FSTL5: variants seen among roughly 807,000 people sequenced by gnomAD.
FSTL5 encodes the protein follistatin like 5.
Under a neutral mutation model 89.1 loss-of-function variants are expected in FSTL5, and 62 were observed. That is an observed-to-expected ratio of 0.70 (90% confidence interval 0.57 to 0.86). The LOEUF (loss-of-function observed/expected upper bound fraction) is 0.86, where lower values mean the gene tolerates loss of function less well. FSTL5 is among the 40% of genes least tolerant of loss of function. FSTL5 has a pLI of 0.00. For missense variants in FSTL5, 1,057 were observed against 1,001.6 expected, an observed-to-expected ratio of 1.06 and a Z score of -0.75; for synonymous variants, 383 against 346.2, an observed-to-expected ratio of 1.11 and a Z score of -1.18.
chr4:161,763,816 G>C (rs963212901), intron 5 of FSTL5, among the ~76,000 whole-genome samples: 1 of 152,054 alleles, frequency 6.6e-6, no homozygotes, highest in Non-Finnish European at 1.5e-5. Flanking sequence ...AAAGACTAAA[G>C]GTAAGAAAAT....
At chr4:161,905,271 T>C (rs1733489346) in intron 4 of FSTL5, among the ~76,000 whole-genome samples, 1 of 152,164 alleles carries the variant, frequency 6.6e-6, no homozygotes, top group African/African-American at 2.4e-5. Flanking sequence ...TGTTGGACAG[T>C]ATTGTCTTTG....
At chr4:161,532,836 A>C (rs1313816264) in intron 10 of FSTL5, among the ~76,000 whole-genome samples, 1 of 152,120 alleles carries the variant, frequency 6.6e-6, no homozygotes, top group Admixed American at 6.6e-5. Flanking sequence ...CCATAACACA[A>C]GTCTTAATAA....
chr4:161,988,156 A>G (rs1425864870), intron 3 of FSTL5, among the ~76,000 whole-genome samples: 1 of 151,864 alleles, frequency 6.6e-6, no homozygotes, highest in African/African-American at 2.4e-5. Flanking sequence ...CAAAATTGGC[A>G]AGGTAAATGG....
chr4:161,776,536 T>G (rs1741418888), intron 4 of FSTL5, among the ~76,000 whole-genome samples: 2 of 100,992 alleles, frequency 2.0e-5, no homozygotes. Context: ...TGTACGTATA[T>G]GCATACATAT....
chr4:161,639,431 A>T (rs921348295), intron 7 of FSTL5, among the ~76,000 whole-genome samples: 1 of 152,208 alleles, frequency 6.6e-6, no homozygotes, highest in Admixed American at 6.5e-5. Context: ...ATTTAATTAC[A>T]TTATCATCTA....
chr4:161,434,869 G>A (rs1020706708), intron 15 of FSTL5, among the ~76,000 whole-genome samples: 1 of 152,088 alleles, frequency 6.6e-6, no homozygotes, highest in Non-Finnish European at 1.5e-5. Flanking sequence ...ACACTGCAGT[G>A]AGATATAATC....
intron 15 of FSTL5, among the ~76,000 whole-genome samples, chr4:161,409,322 A>T (rs7668007): frequency 0.032 from 4,932 of 152,202 alleles, 271 homozygotes; most frequent in African/African-American, 0.11. Context: ...AAGCATCTTA[A>T]ATTAAGGAGA....
chr4:161,732,581 CA>C (rs952110678), intron 6 of FSTL5, among the ~76,000 whole-genome samples: 68 of 152,054 alleles, frequency 4.5e-4, no homozygotes, highest in African/African-American at 1.6e-3. Context: ...ACAAGGCATG[CA>C]AAATTGTATT....
chr4:161,556,954 C>A (rs1406561329), intron 8 of FSTL5, among the ~76,000 whole-genome samples: 1 of 150,590 alleles, frequency 6.6e-6, no homozygotes, highest in African/African-American at 2.4e-5. Flanking sequence ...AACTGATAAA[C>A]CGAGAGTTAT....
At chr4:161,393,511 A>T (rs1457406326) in intron 15 of FSTL5, among the ~76,000 whole-genome samples, 1 of 152,018 alleles carries the variant, frequency 6.6e-6, no homozygotes, top group Admixed American at 6.6e-5. Flanking sequence ...GAAGGGATGG[A>T]TGTAGCTACA....
At chr4:161,454,720 A>G (rs1449794491) in intron 15 of FSTL5, among the ~76,000 whole-genome samples, 1 of 152,182 alleles carries the variant, frequency 6.6e-6, no homozygotes, top group Non-Finnish European at 1.5e-5. Flanking sequence ...AGTAAGAAAA[A>G]TCTTAATGAC....
intron 4 of FSTL5, among the ~76,000 whole-genome samples, chr4:161,804,206 A>G (rs575519303): frequency 1.9e-4 from 29 of 152,086 alleles, no homozygotes; most frequent in Admixed American, 1.5e-3. Context: ...TCTTGTGATT[A>G]GATTAATGCC....
intron 4 of FSTL5, among the ~76,000 whole-genome samples, chr4:161,866,508 G>GTGTGTGTGTGTGT (rs1560889424): frequency 9.1e-5 from 13 of 143,032 alleles, no homozygotes; most frequent in Non-Finnish European, 1.2e-4. Flanking sequence ...GTGTGTGTGT[G>GTGTGTGTGTGTGT]GTTTCAATCT....
chr4:162,041,202 T>G (rs1465037384), intron 2 of FSTL5, among the ~76,000 whole-genome samples: 1 of 97,766 alleles, frequency 1.0e-5, no homozygotes, highest in East Asian at 3.1e-4. Context: ...GATGAGATGG[T>G]AAAAAAAAAA....
At chr4:161,566,217 G>A (rs984666006) in intron 8 of FSTL5, among the ~76,000 whole-genome samples, 1 of 143,936 alleles carries the variant, frequency 6.9e-6, no homozygotes, top group Non-Finnish European at 1.5e-5. Context: ...GCAGCAATTT[G>A]GATGGAACTG....
chr4:161,565,588 A>C (rs1202932175), intron 8 of FSTL5, among the ~76,000 whole-genome samples: 1 of 151,796 alleles, frequency 6.6e-6, no homozygotes, highest in Non-Finnish European at 1.5e-5. Context: ...AATATGCAAA[A>C]GCTTGCTGTT....
intron 2 of FSTL5, among the ~76,000 whole-genome samples, chr4:162,068,927 AC>A (rs1729473860): frequency 1.3e-5 from 2 of 152,146 alleles, no homozygotes; most frequent in African/African-American, 4.8e-5. Flanking sequence ...TTTGTGGCCA[AC>A]AAGCATTTGA....
intron 15 of FSTL5, among the ~76,000 whole-genome samples, chr4:161,435,250 T>C (rs1001684784): frequency 6.6e-6 from 1 of 151,834 alleles, no homozygotes; most frequent in Non-Finnish European, 1.5e-5. Context: ...ATAAAAAAAA[T>C]GAGATATTGT....
At chr4:161,744,337 G>C (rs889811870) in intron 6 of FSTL5, among the ~76,000 whole-genome samples, 34 of 151,912 alleles carry the variant, frequency 2.2e-4, no homozygotes, top group Non-Finnish European at 7.4e-5. Flanking sequence ...CCAGTGAACT[G>C]GTAAAGCCAA....
Sources: gnomAD v4.1 joint callset for allele counts (sites outside exome capture counted in the v4.1 genomes callset) on GRCh38, gnomAD v4.1.1 for gene constraint, MANE v1.5 for transcripts, NCBI Gene and HGNC (gene_info 2026-07-23, HGNC 2026-07-21) for gene names.